Variants in NAGLU observed in about 807,000 individuals in gnomAD.
NAGLU encodes the protein N-acetyl-alpha-glucosaminidase, also known as alpha-N-acetylglucosaminidase.
In NAGLU, 34 loss-of-function variants were observed where a neutral mutation model predicts 43.4. That is an observed-to-expected ratio of 0.78 (90% confidence interval 0.60 to 1.04). The LOEUF (loss-of-function observed/expected upper bound fraction) is 1.04, where lower values mean the gene tolerates loss of function less well. Among genes scored for constraint, NAGLU ranks in the 50% least tolerant of loss-of-function variants. NAGLU has a pLI of 0.00. For missense variants in NAGLU, 910 were observed against 993.7 expected (o/e 0.92, Z 1.13); for synonymous variants, 425 against 437.6 (o/e 0.97, Z 0.36).
intron 5 of NAGLU, among the ~76,000 whole-genome samples, chr17:42,541,580 A>C (rs538083082): frequency 6.6e-6 from 1 of 152,240 alleles, no homozygotes; most frequent in African/African-American, 2.4e-5. Flanking sequence ...ATTTTGTTTC[A>C]TCTCTGCGTG....
intron 2 of NAGLU, among the ~76,000 whole-genome samples, chr17:42,537,860 TAAAA>T (rs908141983): frequency 9.2e-6 from 1 of 109,040 alleles, no homozygotes; most frequent in Admixed American, 9.8e-5. Flanking sequence ...AGACTCTGTC[TAAAA>T]AAAAAAAAAA....
rs1305299665 is a variant in NAGLU at position 42,541,111 on chromosome 17, A to G, written c.926A>G (p.Tyr309Cys). The G allele has an allele frequency of 1.2e-6, 2 of 1,614,114 alleles. No homozygotes were observed. Among genetic ancestry groups the G allele is most frequent in the Admixed American group, 1.7e-5 (1 of 60,018 alleles). ...LIKEFGTDHI[Y>C]GADTFNEMQP... The stretch of plus-strand genomic sequence containing the variant: ...AAAGAGTTTGGCACAGACCACATCT[A>G]TGGGGCCGACACTTTCAATGAGATG... The change falls in exon 5 of 6, where the codon TAT becomes TGT. Residue 309 changes from tyrosine to cysteine, a missense_variant. By Grantham distance (194) the Tyr-to-Cys change is radical. Coordinates refer to ENST00000225927, the MANE Select transcript of NAGLU (RefSeq NM_000263.4).
intron 1 of NAGLU, 89 bp downstream of exon 1, chr17:42,536,744 G>A (rs1374874501): frequency 1.4e-5 from 19 of 1,345,300 alleles, no homozygotes; most frequent in African/African-American, 3.1e-5. Flanking sequence ...TGAGCGGGGA[G>A]CGCTGGCCGG....
At chr17:42,541,309 C>T in intron 5 of NAGLU, 103 bp downstream of exon 5, 12 of 1,477,966 alleles carry the variant, frequency 8.1e-6, no homozygotes, top group Non-Finnish European at 1.1e-5. Context: ...AATGCCTCGC[C>T]ATAACACACA....
intron 5 of NAGLU, 119 bp from the exon 6 acceptor site, chr17:42,542,909 T>G (rs1599260108): frequency 1.4e-6 from 2 of 1,458,820 alleles, no homozygotes; most frequent in Non-Finnish European, 1.9e-6. Flanking sequence ...GTCCCGCTGG[T>G]GGGGGTCATG....
In NAGLU at chr17:42,541,178, C is replaced by T. The variant is rs753183280; in HGVS notation, c.993C>T (p.Thr331=). 1 of 1,613,416 alleles carries T rather than the reference C, an allele frequency of 6.2e-7. No individual in the cohort carries two copies. The highest frequency in any genetic ancestry group is 8.5e-7 in the Non-Finnish European group (1 of 1,180,040). ...AGCCCTCCTACCTTGCCGCAGCCAC[C>T]ACTGCCGTCTATGAGGCCATGACTG... ...SSEPSYLAAA[T]TAVYEAMTAV... The change falls in exon 5 of 6, where the codon ACC becomes ACT. Residue 331 remains threonine, a synonymous_variant. Transcript: ENST00000225927.
chr17:42,536,718 AC>A, intron 1 of NAGLU, 63 bp downstream of exon 1: 1 of 1,361,914 alleles, frequency 7.3e-7, no homozygotes, highest in Non-Finnish European at 9.5e-7. Context: ...AGCCGCTGCC[AC>A]CCAAATCGGG....
chr17:42,538,523 T>C (rs1018168419), intron 3 of NAGLU, 38 bp downstream of exon 3: 4 of 1,613,542 alleles, frequency 2.5e-6, no homozygotes, highest in Non-Finnish European at 2.5e-6. Flanking sequence ...GAATCGGTGA[T>C]AGATGGTCAT....
chr17:42,536,834 C>G (rs2143078768), intron 1 of NAGLU, 179 bp downstream of exon 1: 1 of 1,235,470 alleles, frequency 8.1e-7, no homozygotes, highest in Non-Finnish European at 1.0e-6. Context: ...GCTGGCCCAC[C>G]TGAAAAACGG....
rs1432587285 is a variant in NAGLU at position 42,543,312 on chromosome 17, T to C, written c.1306T>C (p.Ser436Pro). Residue 436 changes from serine (S) to proline (P), a missense_variant, in exon 6 of 6, where the codon TCC becomes CCC. By Grantham distance (74) the Ser-to-Pro change is moderately conservative (BLOSUM62 -1). Coordinates refer to ENST00000225927, the MANE Select transcript of NAGLU (RefSeq NM_000263.4). Reference sequence around the variant, plus strand: ...AGAAGCTGCCCGCCTCTTCCCCAACTCCACCATGGTAGGCACGGGCATGGC... The same window carrying C: ...AGAAGCTGCCCGCCTCTTCCCCAACCCCACCATGGTAGGCACGGGCATGGC... ...GPEAARLFPNSTMVGTGMAPE... is the reference protein window; with the variant it reads ...GPEAARLFPNPTMVGTGMAPE... 4 of 1,613,504 alleles carry C rather than the reference T, an allele frequency of 2.5e-6. No individual in the cohort carries two copies. The Admixed American group carries it at 6.7e-5, about 27-fold the overall frequency.
rs201928638 is a variant in NAGLU at position 42,543,012 on chromosome 17, T to A, written c.1022-16T>A. The stretch of plus-strand genomic sequence containing the variant: ...CATCACTCCTCTTCTCTGTTCCCCC[T>A]ACCTCCTGTCCACAGTGGATACTGA... On this transcript the variant is annotated splice_polypyrimidine_tract_variant and intron_variant, in intron 5 of 5. Transcript: ENST00000225927. 1 of 1,599,854 alleles carries A rather than the reference T, an allele frequency of 6.3e-7. No individual in the cohort carries two copies. Among genetic ancestry groups the A allele is most frequent in the Admixed American group, 1.7e-5 (1 of 60,030 alleles).
rs557309974 is a variant in NAGLU at position 42,538,986 on chromosome 17, G to T, written c.764+231G>T. On this transcript the variant is annotated intron_variant, in intron 4 of 5. Coordinates refer to ENST00000225927, the MANE Select transcript of NAGLU (RefSeq NM_000263.4). ...AAAATATAAAAATTAGCTGGGCATG[G>T]TGGCACGCGCCTGTAATCCCATCTA... Among the ~76,000 whole-genome samples the T allele has an allele frequency of 1.3e-4, 20 of 152,324 alleles. No individual in the cohort carries two copies. The South Asian group carries it at 3.3e-3, about 25-fold the overall frequency.
intron 1 of NAGLU, chr17:42,537,085 G>T (rs116813626): frequency 4.6e-4 from 215 of 466,146 alleles, no homozygotes; most frequent in African/African-American, 3.8e-3. Flanking sequence ...CTGTTAGACT[G>T]TGGGGGCAGG....
Position 42,540,970 on chromosome 17 carries a change from T to C in NAGLU, c.785T>C (p.Val262Ala). 1 of 1,614,218 alleles carries C rather than the reference T, an allele frequency of 6.2e-7. No homozygotes were observed. Among genetic ancestry groups the C allele is most frequent in the Non-Finnish European group, 8.5e-7 (1 of 1,180,052 alleles). The change falls in exon 5 of 6, where the codon GTC becomes GCC. Residue 262 changes from valine to alanine, a missense_variant. Val to Ala is a moderately conservative substitution (Grantham distance 64). Transcript: ENST00000225927. The part of the protein sequence containing the change: ...AVTRVFPQVN[V>A]TKMGSWGHFN... ...ACTAGGGTGTTCCCTCAGGTCAATG[T>C]CACGAAGATGGGCAGTTGGGGCCAC...
At chr17:42,538,202 C>T in intron 2 of NAGLU, 137 bp from the exon 3 acceptor site, 1 of 1,350,102 alleles carries the variant, frequency 7.4e-7, no homozygotes, top group Non-Finnish European at 1.1e-6. Context: ...GCTGTGGGCT[C>T]CTTGATGGCA....
At position 42,536,683 on chromosome 17, in the gene NAGLU, G is replaced by T. The variant is rs548504276; in HGVS notation, c.383+28G>T. 1.2e-5 allele frequency: 17 copies of T among 1,442,652 alleles called. No individual in the cohort carries two copies. In the East Asian group the frequency reaches 2.4e-4, roughly 20 times the overall value. The allele number at this position is 1,442,652 out of a possible 1,614,324, so 89.4% of individuals were successfully genotyped here. A position where few individuals can be genotyped will look rare whatever the true frequency, so the allele number is the denominator to read the frequency against. ...ACCGCCCCGAAGCTTCCCCGCGTCC[G>T]CCCGAGGCGCTTACCCCCTCCCGGA... is the stretch of plus-strand genomic sequence containing the variant. On this transcript the variant is annotated intron_variant, in intron 1 of 5. Transcript: ENST00000225927.
At chr17:42,536,829 C>A in intron 1 of NAGLU, 174 bp downstream of exon 1, 1 of 1,262,888 alleles carries the variant, frequency 7.9e-7, no homozygotes, top group Non-Finnish European at 1.0e-6. Flanking sequence ...CCTCGGCTGG[C>A]CCACCTGAAA....
At chr17:42,540,113 CAAA>C (rs571274275) in intron 4 of NAGLU, among the ~76,000 whole-genome samples, 1 of 52,188 alleles carries the variant, frequency 1.9e-5, no homozygotes, top group Non-Finnish European at 4.3e-5. Context: ...GACTCCGTCT[CAAA>C]AAAAAAAAAA....
At chr17:42,537,261 G>T (rs565899370) in intron 1 of NAGLU, 137 bp from the exon 2 acceptor site, 2 of 1,318,122 alleles carry the variant, frequency 1.5e-6, no homozygotes, top group Non-Finnish European at 2.1e-6. Flanking sequence ...GCTCCACCTG[G>T]GGTGGGTCCC....
Sources: gnomAD v4.1 joint callset for allele counts (sites outside exome capture counted in the v4.1 genomes callset) on GRCh38, gnomAD v4.1.1 for gene constraint, MANE v1.5 for transcripts, NCBI Gene and HGNC (gene_info 2026-07-23, HGNC 2026-07-21) for gene names.